The following DERPC variants were observed in gnomAD, a reference collection of about 807,000 sequenced individuals.
DERPC encodes decreased expression in renal and prostate cancer protein.
In DERPC, 1 loss-of-function variant was observed where a neutral mutation model predicts 7.2. That is an observed-to-expected ratio of 0.14 (90% CI 0.05 to 0.66). The LOEUF is 0.66. Among genes scored for constraint, DERPC ranks in the 30% least tolerant of loss-of-function variants. DERPC has a pLI of 0.84. For synonymous variants in DERPC, 185 were observed against 117.6 expected, an observed-to-expected ratio of 1.57 and a Z score of -3.71; for missense variants, 502 against 299.4, an observed-to-expected ratio of 1.68 and a Z score of -4.99.
At chr16:69,126,479 T>C (rs1046120957) in intron 1 of DERPC, among the ~76,000 whole-genome samples, 1 of 152,228 alleles carries the variant, frequency 6.6e-6, no homozygotes, top group African/African-American at 2.4e-5. Context: ...TGTACATCTA[T>C]GGCATTACCA....
chr16:69,119,563 G>A lies in DERPC; in HGVS notation c.866C>T (p.Ser289Leu), dbSNP rs1453983591. ...TCCAGAAGCCTGTGAGAAAGAAGCT[G>A]AATTTGCTCCTAAAAGACCTGCTGC... ...LRAAGLLGAN[S>L]ASFSQASGNM... The change falls in exon 3 of 3, where the codon TCA (serine) becomes TTA (leucine). Residue 289 changes from serine (S) to leucine (L), a missense_variant. By Grantham distance (145) the Ser-to-Leu change is moderately radical. Coordinates refer to ENST00000519520, the MANE Select transcript of DERPC (RefSeq NM_001002847.4). 1.4e-6 allele frequency: 1 copy of A among 702,674 alleles called. No homozygotes were observed. Among genetic ancestry groups the A allele is most frequent in the Non-Finnish European group, 2.6e-6 (1 of 384,876 alleles). 43.5% of individuals were successfully genotyped at this position (702,674 alleles called of 1,614,324 possible).
At position 69,129,159 on chromosome 16, in the gene DERPC, G is replaced by A. The variant is rs560075177; in HGVS notation, c.-280+3325C>T. On this transcript the variant is annotated intron_variant, in intron 1 of 2. Transcript: ENST00000519520. ...AAAAGCCCAGGCAGAGGCCGGGTGC[G>A]GTGGCTCACACCTGTAATCCCAGCA... 5.9e-5 allele frequency among the ~76,000 whole-genome samples: 9 copies of A among 151,980 alleles called. No individual in the cohort carries two copies. In the South Asian group the frequency reaches 1.0e-3, roughly 18 times the overall value.
intron 1 of DERPC, among the ~76,000 whole-genome samples, chr16:69,123,925 T>TAAAAAAAAA (rs757493986): frequency 7.8e-5 from 6 of 76,962 alleles, no homozygotes; most frequent in Non-Finnish European, 1.3e-4. Flanking sequence ...CCATCTCTAC[T>TAAAAAAAAA]AAAAAAAAAA....
rs575533900 is a variant in DERPC, at chr16:69,120,269, C to T, written c.160G>A (p.Ala54Thr). The part of the protein sequence containing the change: ...LGVNSDPFLM[A>T]AGSLGGNLTP... ...AGATTTCCACCAAGAGAACCGGCCGCCATAAGGAAGGGATCCGAGTTCACA... is the reference window on the plus strand; with the variant it reads ...AGATTTCCACCAAGAGAACCGGCCGTCATAAGGAAGGGATCCGAGTTCACA... The change falls in exon 3 of 3, where the codon GCG (alanine) becomes ACG (threonine). Residue 54 changes from alanine to threonine, a missense_variant. By Grantham distance (58) the Ala-to-Thr change is moderately conservative. Coordinates refer to ENST00000519520, the MANE Select transcript of DERPC (RefSeq NM_001002847.4). The surrounding 1 kb of genome is among the most constrained non-coding windows in gnomAD (Gnocchi z 4.0). 88 of 740,802 alleles carry T rather than the reference C, an allele frequency of 1.2e-4. No homozygotes were observed. Among genetic ancestry groups the T allele is most frequent in the Non-Finnish European group, 2.0e-4 (81 of 414,256 alleles). The allele number at this position is 740,802 out of a possible 1,614,324, so 45.9% of individuals were successfully genotyped here.
intron 1 of DERPC, among the ~76,000 whole-genome samples, chr16:69,126,676 T>C (rs1224502573): frequency 6.6e-6 from 1 of 152,262 alleles, no homozygotes; most frequent in Non-Finnish European, 1.5e-5. Flanking sequence ...CAGACTGCTC[T>C]GGCTACAGTT....
In DERPC at chr16:69,118,982, C is replaced by T. The variant is rs1414933281; in HGVS notation, c.1447G>A (p.Gly483Ser). Residue 483 changes from glycine to serine, a missense_variant, in exon 3 of 3, where the codon GGC becomes AGC. Physicochemically the swap from Gly to Ser is moderately conservative, Grantham distance 56. Coordinates refer to ENST00000519520, the MANE Select transcript of DERPC (RefSeq NM_001002847.4). The stretch of plus-strand genomic sequence containing the variant: ...GGGACGAAACTCTTGCCTGCAGGGC[C>T]ATTCATCCTTGGAAAGGAAGCTGGG... ...LNPASFPRMN[G>S]PAGKSFVPFP... The T allele has an allele frequency of 2.8e-6, 2 of 703,056 alleles. No individual in the cohort carries two copies. 43.6% of individuals were successfully genotyped at this position (703,056 alleles called of 1,614,324 possible). A position where few individuals can be genotyped will look rare whatever the true frequency, so the allele number is the denominator to read the frequency against.
rs545723016 is a variant in DERPC at position 69,120,669 on chromosome 16, A to G, written c.-221-20T>C. ...GATTCCCTTTGGCAGAACAAGAACGAGATTCCTGAGGTTCCGGGGCAAGGC... is the reference window on the plus strand; with the variant it reads ...GATTCCCTTTGGCAGAACAAGAACGGGATTCCTGAGGTTCCGGGGCAAGGC... On this transcript the variant is annotated intron_variant, in intron 2 of 2. Transcript: ENST00000519520. This position sits in a 1 kb window ranked among gnomAD's most constrained non-coding sequence, Gnocchi z 4.0. The G allele has an allele frequency of 6.3e-7, 1 of 1,596,592 alleles. No individual in the cohort carries two copies. The highest frequency in any genetic ancestry group is 1.1e-5 in the South Asian group (1 of 90,284).
In DERPC at chr16:69,120,947, C is replaced by T. The variant is rs754628783; in HGVS notation, c.-221-298G>A. On this transcript the variant is annotated intron_variant, in intron 2 of 2. Coordinates refer to ENST00000519520, the MANE Select transcript of DERPC (RefSeq NM_001002847.4). The surrounding 1 kb of genome is among the most constrained non-coding windows in gnomAD (Gnocchi z 4.0). ...AGAGAGCATCGCAGATTAGCTAGGCCTTGAATAACAAACCTGAGGCAGTCC... is the reference window on the plus strand; with the variant it reads ...AGAGAGCATCGCAGATTAGCTAGGCTTTGAATAACAAACCTGAGGCAGTCC... 1.0e-6 allele frequency: 1 copy of T among 959,496 alleles called. No individual in the cohort carries two copies. The highest frequency in any genetic ancestry group is 1.3e-5 in the South Asian group (1 of 78,108). The allele number at this position is 959,496 out of a possible 1,614,324, so 59.4% of individuals were successfully genotyped here. A position where few individuals can be genotyped will look rare whatever the true frequency, so the allele number is the denominator to read the frequency against.
chr16:69,119,402 G>A lies in DERPC; in HGVS notation c.1027C>T (p.Pro343Ser), dbSNP rs1232023616. ...PMSRAPGPIG[P>S]NSAHFSRPVG... ...GGCCTTGAGAAATGAGCTGAATTAGGGCCTATGGGGCCAGGAGCCCTTGAC... is the reference window on the plus strand; with the variant it reads ...GGCCTTGAGAAATGAGCTGAATTAGAGCCTATGGGGCCAGGAGCCCTTGAC... The change falls in exon 3 of 3, where the codon CCT becomes TCT. Residue 343 changes from proline (P) to serine (S), a missense_variant. By Grantham distance (74) the Pro-to-Ser change is moderately conservative. Coordinates refer to ENST00000519520, the MANE Select transcript of DERPC (RefSeq NM_001002847.4). The A allele has an allele frequency of 2.8e-6, 2 of 702,828 alleles. No individual in the cohort carries two copies. Among genetic ancestry groups the A allele is most frequent in the East Asian group, 2.7e-5 (1 of 37,252 alleles). 43.5% of individuals were successfully genotyped at this position (702,828 alleles called of 1,614,324 possible).
intron 1 of DERPC, chr16:69,132,165 T>G (rs1403866489): frequency 7.0e-6 from 1 of 143,112 alleles, no homozygotes; most frequent in African/African-American, 2.7e-5. Context: ...CTTCTCCCGC[T>G]CCGCCCCGCT....
intron 1 of DERPC, among the ~76,000 whole-genome samples, chr16:69,126,149 G>A (rs1003871394): frequency 3.9e-5 from 6 of 152,168 alleles, no homozygotes; most frequent in Admixed American, 3.3e-4. Context: ...AATACAGGTG[G>A]TTTTAGAGAA....
intron 1 of DERPC, among the ~76,000 whole-genome samples, chr16:69,129,156 T>C (rs927057395): frequency 6.8e-6 from 1 of 147,686 alleles, no homozygotes; most frequent in African/African-American, 2.5e-5. Context: ...AGAGGCCGGG[T>C]GCGGTGGCTC....
rs764144816 is a variant in DERPC, at chr16:69,122,539, A to ATT, written c.-279-1048_-279-1047dup. Among the ~76,000 whole-genome samples, 674 of 130,740 alleles carry ATT rather than the reference A, an allele frequency of 5.2e-3. 5 individuals are homozygous for ATT. Among genetic ancestry groups the ATT allele is most frequent in the Non-Finnish European group, 7.3e-3 (444 of 60,744 alleles). The allele number at this position is 130,740 out of a possible 152,430, so 85.8% of individuals were successfully genotyped here. A position where few individuals can be genotyped will look rare whatever the true frequency, so the allele number is the denominator to read the frequency against. ...AGGTGCATGTCACCATACCCAGCTA[A>ATT]TTTTTTTTTTTTTTTTTTTGGGAGG... On this transcript the variant is annotated intron_variant, in intron 1 of 2. Transcript: ENST00000519520.
chr16:69,118,369 T>C lies in DERPC; in HGVS notation c.*485A>G. 6.2e-7 allele frequency: 1 copy of C among 1,608,012 alleles called. No homozygotes were observed. The highest frequency in any genetic ancestry group is 1.1e-5 in the South Asian group (1 of 90,946). On this transcript the variant is annotated 3_prime_UTR_variant, in exon 3 of 3. Transcript: ENST00000519520. Reference sequence around the variant, plus strand: ...CTGTGTTCAAGCCCCCAGGGAAAGGTATGGCAGTAGAGGATGACCAGGTCC... The same window carrying C: ...CTGTGTTCAAGCCCCCAGGGAAAGGCATGGCAGTAGAGGATGACCAGGTCC...
chr16:69,119,163 T>C lies in DERPC; in HGVS notation c.1266A>G (p.Pro422=), dbSNP rs1597105798. ...NFPRATGLQG[P]SPTTFPRSTG... Reference sequence around the variant, plus strand: ...TAGACCTTGGGAAGGTAGTTGGACTTGGACCCTGCAGGCCAGTGGCCCTTG... The same window carrying C: ...TAGACCTTGGGAAGGTAGTTGGACTCGGACCCTGCAGGCCAGTGGCCCTTG... The change falls in exon 3 of 3, where the codon CCA becomes CCG. Residue 422 remains proline (P), a synonymous_variant. Transcript: ENST00000519520. The C allele has an allele frequency of 1.4e-6, 1 of 703,026 alleles. No homozygotes were observed. Among genetic ancestry groups the C allele is most frequent in the Non-Finnish European group, 2.6e-6 (1 of 385,002 alleles). 43.5% of individuals were successfully genotyped at this position (703,026 alleles called of 1,614,324 possible).
At position 69,119,144 on chromosome 16, in the gene DERPC, T is replaced by C. The variant is rs191141558; in HGVS notation, c.1285A>G (p.Arg429Gly). The C allele has an allele frequency of 6.0e-5, 42 of 703,018 alleles. No individual in the cohort carries two copies. Among genetic ancestry groups the C allele is most frequent in the East Asian group, 5.9e-4 (22 of 37,288 alleles). The allele number at this position is 703,018 out of a possible 1,614,324, so 43.5% of individuals were successfully genotyped here. Residue 429 changes from arginine (R) to glycine (G), a missense_variant, in exon 3 of 3, where the codon AGG becomes GGG. Transcript: ENST00000519520. ...LQGPSPTTFP[R>G]STGPLGPGQV... ...CCAGGGCCTAATGGGCCAGTAGACC[T>C]TGGGAAGGTAGTTGGACTTGGACCC...
chr16:69,127,858 C>T (rs1358377706), intron 1 of DERPC, among the ~76,000 whole-genome samples: 1 of 151,996 alleles, frequency 6.6e-6, no homozygotes, highest in Non-Finnish European at 1.5e-5. Flanking sequence ...GATCTGCCCA[C>T]CTTGGCCTTC....
intron 1 of DERPC, among the ~76,000 whole-genome samples, chr16:69,123,515 G>A (rs1280267881): frequency 1.3e-5 from 2 of 151,912 alleles, no homozygotes; most frequent in Non-Finnish European, 2.9e-5. Flanking sequence ...AAATTAGCTG[G>A]GTGTGGTGGC....
chr16:69,118,186 T>C lies in DERPC; in HGVS notation c.*668A>G, dbSNP rs947028376. 1.5e-5 allele frequency: 9 copies of C among 594,238 alleles called. No homozygotes were observed. Among genetic ancestry groups the C allele is most frequent in the Non-Finnish European group, 3.0e-6 (1 of 332,084 alleles). 36.8% of individuals were successfully genotyped at this position (594,238 alleles called of 1,614,324 possible). On this transcript the variant is annotated 3_prime_UTR_variant, in exon 3 of 3. Coordinates refer to ENST00000519520, the MANE Select transcript of DERPC (RefSeq NM_001002847.4). Reference sequence around the variant, plus strand: ...CAGTTTAAATTTTGAGGTTCTTTGATTGATTGGGAGTACCAGTGAAGAGGG... The same window carrying C: ...CAGTTTAAATTTTGAGGTTCTTTGACTGATTGGGAGTACCAGTGAAGAGGG...
Sources: allele counts gnomAD v4.1 joint callset (sites outside exome capture counted in the v4.1 genomes callset), GRCh38; gene constraint gnomAD v4.1.1; non-coding constraint Gnocchi (gnomAD v3.1); transcripts MANE v1.5; gene names NCBI Gene and HGNC (gene_info 2026-07-23, HGNC 2026-07-21).